The following SUMF2 variants were observed in gnomAD, a reference collection of about 807,000 sequenced individuals.
SUMF2 encodes the protein sulfatase modifying factor 2.
SUMF2 carries 45 observed loss-of-function variants against 44.8 expected under a neutral mutation model. That is an observed-to-expected ratio of 1.00 (90% CI 0.79 to 1.29). The LOEUF (loss-of-function observed/expected upper bound fraction) is 1.29. Ranked by LOEUF, SUMF2 falls within the 50% of genes most tolerant of loss-of-function variation. The pLI, the probability that SUMF2 is intolerant of heterozygous loss-of-function variation, is 0.00. For missense variants in SUMF2, 418 were observed against 389.9 expected (o/e 1.07, Z -0.61); for synonymous variants, 148 against 150.4 (o/e 0.98, Z 0.12).
chr7:56,072,998 G>T lies in SUMF2; in HGVS notation c.226G>T (p.Asp76Tyr). 6.2e-7 allele frequency: 1 copy of T among 1,613,400 alleles called. No homozygotes were observed. The highest frequency in any genetic ancestry group is 1.3e-5 in the African/African-American group (1 of 75,006). ...ACCAGCTGAACTATGTCTTTATAGG[G>T]ATTTTGTCAGGGAGAAAAAGTATCG... Reference protein sequence around the residue: ...IFPVTNKDFRDFVREKKYRTE... With the variant: ...IFPVTNKDFRYFVREKKYRTE... Residue 76 changes from aspartate (D) to tyrosine (Y), a missense_variant and splice_region_variant, in exon 3 of 9, where the codon GAT becomes TAT. Transcript: ENST00000434526.
At chr7:56,086,217 C>T in the SUMF2 span, among the ~76,000 whole-genome samples, 1 of 151,848 alleles carries the variant, frequency 6.6e-6, no homozygotes, top group Non-Finnish European at 1.5e-5. Flanking sequence ...CCCTCTTTAT[C>T]TGCATAGGAT....
chr7:56,069,071 G>A (rs1004717978), intron 2 of SUMF2, among the ~76,000 whole-genome samples: 1 of 152,066 alleles, frequency 6.6e-6, no homozygotes, highest in Non-Finnish European at 1.5e-5. Context: ...TCTTTGCAGT[G>A]TACTATGGGA....
chr7:56,081,842 C>A, downstream of SUMF2: 1 of 1,609,196 alleles, frequency 6.2e-7, no homozygotes. The surrounding 1 kb of genome is among the most constrained non-coding windows in gnomAD (Gnocchi z 4.6). Context: ...CGGGCAGGGG[C>A]GCCTGGCATC....
chr7:56,074,137 C>A (rs528372429), intron 3 of SUMF2, 37 bp from the exon 4 acceptor site: 1 of 1,610,148 alleles, frequency 6.2e-7, no homozygotes, highest in Non-Finnish European at 8.5e-7. Context: ...TTTGCTGGGC[C>A]GGAGCATCTT....
downstream of SUMF2, chr7:56,083,253 G>C (rs939696784): frequency 6.2e-7 from 1 of 1,610,770 alleles, no homozygotes; most frequent in Non-Finnish European, 8.5e-7. Flanking sequence ...AGGCCTGGAC[G>C]TGGGCCAAGG....
chr7:56,078,313 CGGGGTGGTCGGCGGGTCCCAGCCT>C, intron 7 of SUMF2, 27 bp from the exon 8 acceptor site: 5 of 1,556,736 alleles, frequency 3.2e-6, no homozygotes, highest in Non-Finnish European at 4.4e-6. Flanking sequence ...AGAGGGTAGG[CGGGGTGGTCGGCGGGTCCCAGCCT>C]GGCCTGACCC....
intron 2 of SUMF2, among the ~76,000 whole-genome samples, chr7:56,072,080 C>G (rs1795196758): frequency 1.3e-5 from 2 of 149,156 alleles, no homozygotes; most frequent in Admixed American, 1.3e-4. Context: ...TGCACTCCAG[C>G]CTGGGCAACA....
At chr7:56,083,560 A>T (rs1248230717), downstream of SUMF2, 1 of 1,489,034 alleles carries the variant, frequency 6.7e-7, no homozygotes, top group South Asian at 1.2e-5. Flanking sequence ...CAGCCCAGAC[A>T]TGTGCACGCC....
intron 4 of SUMF2, 99 bp downstream of exon 4, chr7:56,074,317 G>A: frequency 1.5e-6 from 2 of 1,319,428 alleles, no homozygotes; most frequent in South Asian, 1.2e-5. Flanking sequence ...GGAACACTGA[G>A]TTTCAAAGAA....
intron 1 of SUMF2, among the ~76,000 whole-genome samples, chr7:56,066,963 C>G (rs1362586669): frequency 6.6e-6 from 1 of 152,180 alleles, no homozygotes; most frequent in African/African-American, 2.4e-5. Context: ...TCATACAAGT[C>G]TAAAGGTGCT....
intron 5 of SUMF2, 63 bp from the exon 6 acceptor site, chr7:56,076,771 T>C: frequency 1.4e-6 from 2 of 1,458,650 alleles, no homozygotes; most frequent in East Asian, 2.4e-5. Context: ...CTTTCTGTGT[T>C]CTTTTTTCCT....
chr7:56,076,386 T>C (rs34023503), intron 5 of SUMF2: 2,758 of 153,602 alleles, frequency 0.018, 54 homozygotes, highest in Admixed American at 0.049. Context: ...GGTCTCGAAC[T>C]CCTGACCTCG....
the SUMF2 span, chr7:56,086,870 G>C: frequency 1.1e-6 from 1 of 890,570 alleles, no homozygotes; most frequent in South Asian, 1.3e-5. Flanking sequence ...CATCCTCAGC[G>C]CAGGAGCTGG....
At chr7:56,083,678 T>G (rs111589508), downstream of SUMF2, 62 of 1,586,162 alleles carry the variant, frequency 3.9e-5, 2 homozygotes, top group African/African-American at 4.6e-4. Context: ...AAGGTGACCT[T>G]CTCAGTGAGG....
downstream of SUMF2, chr7:56,083,678 T>A (rs111589508): frequency 1.3e-6 from 2 of 1,586,044 alleles, no homozygotes; most frequent in African/African-American, 2.7e-5. Flanking sequence ...AAGGTGACCT[T>A]CTCAGTGAGG....
chr7:56,070,878 A>G (rs1795112283), intron 2 of SUMF2, among the ~76,000 whole-genome samples: 1 of 152,178 alleles, frequency 6.6e-6, no homozygotes, highest in Non-Finnish European at 1.5e-5. Flanking sequence ...GCCTTTTGCT[A>G]AGTGAAGGAA....
At chr7:56,069,322 A>G (rs1248069140) in intron 2 of SUMF2, among the ~76,000 whole-genome samples, 1 of 152,038 alleles carries the variant, frequency 6.6e-6, no homozygotes, top group Non-Finnish European at 1.5e-5. Context: ...TTCCCCTTAT[A>G]GGCCAGGTGT....
intron 8 of SUMF2, chr7:56,078,985 C>A: frequency 1.6e-6 from 1 of 624,148 alleles, no homozygotes; most frequent in Admixed American, 2.2e-5. Context: ...CAGCCTCAAA[C>A]TGCCAGGCTC....
intron 6 of SUMF2, among the ~76,000 whole-genome samples, chr7:56,077,401 C>T (rs1795635681): frequency 6.7e-6 from 1 of 150,032 alleles, no homozygotes; most frequent in Admixed American, 6.6e-5. Flanking sequence ...GTGGCTCACG[C>T]CTGTAATCCC....
Sources: gnomAD v4.1 joint callset for allele counts (sites outside exome capture counted in the v4.1 genomes callset) on GRCh38, gnomAD v4.1.1 for gene constraint, Gnocchi (gnomAD v3.1) non-coding constraint, MANE v1.5 for transcripts, NCBI Gene and HGNC (gene_info 2026-07-23, HGNC 2026-07-21) for gene names.